COL18A1: variants seen among roughly 807,000 people sequenced by gnomAD.
The protein encoded by COL18A1 is collagen alpha-1(XVIII) chain.
In COL18A1, 133 loss-of-function variants were observed where a neutral mutation model predicts 168.0. The ratio of observed to expected loss-of-function variants is 0.79; its 90% CI spans 0.69 to 0.91. COL18A1 has a LOEUF of 0.91. Ranked by LOEUF, COL18A1 falls within the 40% of genes least tolerant of loss-of-function variation. The probability of loss-of-function intolerance (pLI) is 0.00; values close to 1 mark genes in which losing one functional copy is unlikely to be tolerated. For missense variants in COL18A1, 2,126 were observed against 1,925.4 expected (o/e 1.10, Z -1.95); for synonymous variants, 949 against 809.0 (o/e 1.17, Z -2.94).
At position 45,425,157 on chromosome 21, in the gene COL18A1, C is replaced by T. The variant is rs2033754321; in HGVS notation, c.106+19684C>T. The T allele has an allele frequency of 6.6e-6, 1 of 152,312 alleles. No individual in the cohort carries two copies. The highest frequency in any genetic ancestry group is 2.4e-5 in the African/African-American group (1 of 41,450). The allele number at this position is 152,312 out of a possible 1,614,324, so 9.4% of individuals were successfully genotyped here. Reference sequence around the variant, plus strand: ...CCTGTGAGCCAATGGGTGGGCAGCACCACCCACCGCCTCCTTCCTCACACC... The same window carrying T: ...CCTGTGAGCCAATGGGTGGGCAGCATCACCCACCGCCTCCTTCCTCACACC... On this transcript the variant is annotated intron_variant, in intron 2 of 41. Transcript: ENST00000651438. The surrounding 1 kb of genome is among the most constrained non-coding windows in gnomAD (Gnocchi z 4.1).
At chr21:45,482,910 C>G (rs1226815015) in intron 15 of COL18A1, 89 bp downstream of exon 15, 1 of 1,592,664 alleles carries the variant, frequency 6.3e-7, no homozygotes, top group Non-Finnish European at 8.6e-7. Context: ...GCCCCACGGT[C>G]GAGAGAGTGA....
intron 24 of COL18A1, 93 bp downstream of exon 24, chr21:45,492,806 CT>C: frequency 3.1e-6 from 3 of 972,250 alleles, no homozygotes; most frequent in Non-Finnish European, 4.9e-6. Context: ...TGGGGTGGGC[CT>C]TGTCAGGCCC....
chr21:45,510,913 G>T (rs1297861033), intron 40 of COL18A1, among the ~76,000 whole-genome samples, 198 bp from the exon 41 acceptor site: 2 of 150,764 alleles, frequency 1.3e-5, no homozygotes, highest in Non-Finnish European at 1.5e-5. Flanking sequence ...ATGCCCAGGG[G>T]CTGCAGAACC....
chr21:45,426,676 G>A (rs765956003), intron 2 of COL18A1, among the ~76,000 whole-genome samples: 2 of 152,218 alleles, frequency 1.3e-5, no homozygotes, highest in Non-Finnish European at 2.9e-5. Context: ...CAGCCCTTGC[G>A]TGAGACCACG....
At chr21:45,421,922 G>C (rs1378158819) in intron 2 of COL18A1, among the ~76,000 whole-genome samples, 1 of 152,108 alleles carries the variant, frequency 6.6e-6, no homozygotes, top group African/African-American at 2.4e-5. Flanking sequence ...CTCTCAGCTT[G>C]CAACCCTCCA....
intron 4 of COL18A1, among the ~76,000 whole-genome samples, chr21:45,474,453 A>AGTGTGTCTCTGTGTGTG (rs1156568239): frequency 4.9e-3 from 496 of 100,716 alleles, no homozygotes; most frequent in Non-Finnish European, 7.7e-3. Flanking sequence ...CTCTGTGTGT[A>AGTGTGTCTCTGTGTGTG]GTGTGTCTCT....
At chr21:45,475,440 C>T (rs772401329) in intron 4 of COL18A1, 36 bp from the exon 5 acceptor site, 9 of 1,557,890 alleles carry the variant, frequency 5.8e-6, no homozygotes. Flanking sequence ...GGCCTGGCTG[C>T]CATCTCTCCA....
chr21:45,467,549 C>T (rs1301396772), intron 2 of COL18A1: 7 of 629,838 alleles, frequency 1.1e-5, no homozygotes, highest in Non-Finnish European at 1.2e-5. Context: ...AGCCGGTGAC[C>T]GACAGCGCTG....
intron 2 of COL18A1, among the ~76,000 whole-genome samples, chr21:45,432,190 C>G (rs2033982118): frequency 6.6e-6 from 1 of 152,212 alleles, no homozygotes; most frequent in Non-Finnish European, 1.5e-5. Context: ...CAGGGCCTCC[C>G]TGGATTTGGG....
intron 2 of COL18A1, among the ~76,000 whole-genome samples, chr21:45,432,940 T>C (rs1395745232): frequency 1.3e-5 from 2 of 152,226 alleles, no homozygotes; most frequent in African/African-American, 4.8e-5. Flanking sequence ...TTATGCCAAA[T>C]GTCCCACTAA....
At chr21:45,432,066 C>A (rs1443306181) in intron 2 of COL18A1, among the ~76,000 whole-genome samples, 3 of 152,168 alleles carry the variant, frequency 2.0e-5, no homozygotes, top group Non-Finnish European at 4.4e-5. Context: ...CTGGGCGGTG[C>A]CCACCTCGGT....
At chr21:45,446,195 A>C (rs2034502241) in intron 2 of COL18A1, among the ~76,000 whole-genome samples, 3 of 152,090 alleles carry the variant, frequency 2.0e-5, no homozygotes, top group African/African-American at 7.2e-5. Flanking sequence ...CTCTTTCCTC[A>C]CTGAACAGTC....
chr21:45,415,506 G>A (rs1038034805), intron 2 of COL18A1, among the ~76,000 whole-genome samples: 3 of 152,232 alleles, frequency 2.0e-5, no homozygotes, highest in African/African-American at 7.2e-5. Context: ...AGGACCATGC[G>A]CAGGGGCGGC....
chr21:45,497,891 C>T, intron 32 of COL18A1: 3 of 620,148 alleles, frequency 4.8e-6, no homozygotes, highest in Non-Finnish European at 8.5e-6. Context: ...AGCCCCATCA[C>T]CTCCTGAGGA....
chr21:45,472,598 C>T (rs116118093), intron 3 of COL18A1, among the ~76,000 whole-genome samples: 549 of 152,340 alleles, frequency 3.6e-3, no homozygotes, highest in African/African-American at 0.013. Flanking sequence ...TGCTGGGCTG[C>T]TGCCCCACCC....
At chr21:45,481,511 C>T (rs114960178) in intron 13 of COL18A1, among the ~76,000 whole-genome samples, 2,178 of 152,310 alleles carry the variant, frequency 0.014, 49 homozygotes, top group African/African-American at 0.05. Flanking sequence ...CCCCTGCCTC[C>T]GTAACAGTCC....
In COL18A1 at chr21:45,405,446, G is replaced by T. The variant is rs1370627844; in HGVS notation, c.79G>T (p.Gly27Trp). 2.2e-6 allele frequency: 3 copies of T among 1,381,044 alleles called. No individual in the cohort carries two copies. The highest frequency in any genetic ancestry group is 2.7e-4 in the Middle Eastern group (1 of 3,714). The allele number at this position is 1,381,044 out of a possible 1,614,324, so 85.5% of individuals were successfully genotyped here. A position where few individuals can be genotyped will look rare whatever the true frequency, so the allele number is the denominator to read the frequency against. The change falls in exon 2 of 42, where the codon GGG becomes TGG. Residue 27 changes from glycine (G) to tryptophan (W), a missense_variant. By Grantham distance (184) the Gly-to-Trp change is radical. Coordinates refer to ENST00000651438, the MANE Select transcript of COL18A1 (RefSeq NM_001379500.1). ...GCTCGCGCCCCTGGTCCTGCTGCTCGGGGTCCGCGCGGCCTCCGCGGAGCC... is the reference window on the plus strand; with the variant it reads ...GCTCGCGCCCCTGGTCCTGCTGCTCTGGGTCCGCGCGGCCTCCGCGGAGCC... ...DVLAPLVLLL[G>W]VRAASAEPER...
At chr21:45,459,665 G>A (rs1195727829) in intron 2 of COL18A1, among the ~76,000 whole-genome samples, 1 of 152,234 alleles carries the variant, frequency 6.6e-6, no homozygotes, top group African/African-American at 2.4e-5. Flanking sequence ...GGGTTTTGCT[G>A]TGTTGTGGGC....
intron 39 of COL18A1, 115 bp downstream of exon 39, chr21:45,509,716 G>C (rs1275130323): frequency 6.7e-6 from 5 of 745,204 alleles, no homozygotes; most frequent in Non-Finnish European, 1.2e-5. Context: ...CCATGGGTGG[G>C]GGTCTGGCGG....
Sources: gnomAD v4.1 joint callset for allele counts (sites outside exome capture counted in the v4.1 genomes callset) on GRCh38, gnomAD v4.1.1 for gene constraint, Gnocchi (gnomAD v3.1) non-coding constraint, MANE v1.5 for transcripts, NCBI Gene and HGNC (gene_info 2026-07-23, HGNC 2026-07-21) for gene names.